QRICH1: variants seen among roughly 807,000 people sequenced by gnomAD.
QRICH1 encodes glutamine rich 1.
In QRICH1, 16 loss-of-function variants were observed where a neutral mutation model predicts 87.1. The ratio of observed to expected loss-of-function variants is 0.18; its 90% CI spans 0.12 to 0.28. QRICH1 has a LOEUF of 0.28. Ranked by LOEUF, QRICH1 falls within the 10% of genes least tolerant of loss-of-function variation. The pLI is 1.00. For synonymous variants in QRICH1, 367 were observed against 368.4 expected (o/e 1.00, Z 0.05); for missense variants, 647 against 951.7 (o/e 0.68, Z 4.21).
chr3:49,032,915 G>A (rs550387120), intron 7 of QRICH1, 142 bp from the exon 8 acceptor site: 6 of 1,098,460 alleles, frequency 5.5e-6, no homozygotes, highest in Non-Finnish European at 7.7e-6. Context: ...AGTGTCCAGT[G>A]CAGGAACCAC....
chr3:49,030,097 G>C lies in QRICH1; in HGVS notation c.*355C>G. Reference sequence around the variant, plus strand: ...AGTCGGCTGGGGAGATTCCCTCCAGGGTCCATCCATCATTAATTCCATCTC... The same window carrying C: ...AGTCGGCTGGGGAGATTCCCTCCAGCGTCCATCCATCATTAATTCCATCTC... On this transcript the variant is annotated 3_prime_UTR_variant, in exon 10 of 10. Coordinates refer to ENST00000395443, the MANE Select transcript of QRICH1 (RefSeq NM_198880.3). 2.7e-6 allele frequency: 1 copy of C among 363,660 alleles called. No homozygotes were observed. Among genetic ancestry groups the C allele is most frequent in the Non-Finnish European group, 4.9e-6 (1 of 203,304 alleles). 22.5% of individuals were successfully genotyped at this position (363,660 alleles called of 1,614,324 possible).
intron 3 of QRICH1, among the ~76,000 whole-genome samples, chr3:49,049,445 A>AAAAAAT (rs906467165): frequency 3.3e-5 from 5 of 152,018 alleles, no homozygotes; most frequent in African/African-American, 1.2e-4. Context: ...ATTCTGGCTC[A>AAAAAAT]AAAAATAAAA....
rs150728682 is a variant in QRICH1 at position 49,032,731 on chromosome 3, G to A, written c.1938C>T (p.Ala646=). ...TTGTCTGTCGCAAGACCTTGGAGAA[G>A]GCCAGCTTCATGTGCTGGTCCACTG... The part of the protein sequence containing the change: ...LKTVDQHMKL[A]FSKVLRQTKK... The change falls in exon 8 of 10, where the codon GCC becomes GCT. Residue 646 remains alanine (A), a synonymous_variant. Coordinates refer to ENST00000395443, the MANE Select transcript of QRICH1 (RefSeq NM_198880.3). The A allele has an allele frequency of 1.1e-5, 17 of 1,609,910 alleles. No homozygotes were observed. The African/African-American group carries it at 2.0e-4, about 19-fold the overall frequency.
At chr3:49,077,266 C>T (rs898659724) in intron 1 of QRICH1, among the ~76,000 whole-genome samples, 3 of 152,002 alleles carry the variant, frequency 2.0e-5, no homozygotes, top group African/African-American at 7.2e-5. Context: ...AAAAAACAAA[C>T]ACATGCTTCA....
Position 49,056,909 on chromosome 3 carries a change from T to C in QRICH1, c.1291A>G (p.Thr431Ala), listed in dbSNP as rs779853008. Residue 431 changes from threonine (T) to alanine (A), a missense_variant, in exon 3 of 10, where the codon ACA becomes GCA. Thr to Ala is a moderately conservative substitution (Grantham distance 58). Around this residue, in one of 7 missense-constraint regions of QRICH1, gnomAD observed 115 missense variants for 126.8 expected, o/e 0.91. Transcript: ENST00000395443. Reference sequence around the variant, plus strand: ...TGCTGCTGCTGCTGTGGTGGTGGTGTCTGTTCCTGGGGAGTTTGCTGCTGC... The same window carrying C: ...TGCTGCTGCTGCTGTGGTGGTGGTGCCTGTTCCTGGGGAGTTTGCTGCTGC... ...QPQQQTPQEQ[T>A]PPPQQQQQQL... 6.2e-7 allele frequency: 1 copy of C among 1,614,060 alleles called. No individual in the cohort carries two copies. The highest frequency in any genetic ancestry group is 8.5e-7 in the Non-Finnish European group (1 of 1,179,954).
intron 1 of QRICH1, among the ~76,000 whole-genome samples, chr3:49,087,641 C>T (rs932055598): frequency 1.3e-5 from 2 of 150,896 alleles, no homozygotes; most frequent in South Asian, 2.1e-4. Flanking sequence ...GCTGGAAGGC[C>T]GAGTCGGGCA....
chr3:49,074,288 C>A (rs1380624979), intron 2 of QRICH1, among the ~76,000 whole-genome samples: 2 of 152,092 alleles, frequency 1.3e-5, no homozygotes, highest in Non-Finnish European at 2.9e-5. Flanking sequence ...GAAAGGAAGC[C>A]TCAGATGGAC....
chr3:49,058,327 TTTGG>T (rs2093415218), intron 2 of QRICH1, among the ~76,000 whole-genome samples: 1 of 149,746 alleles, frequency 6.7e-6, no homozygotes, highest in Non-Finnish European at 1.5e-5. Context: ...ATATCAAAAC[TTTGG>T]TTCTTTTTTT....
At chr3:49,034,791 T>C (rs2093264701) in intron 6 of QRICH1, among the ~76,000 whole-genome samples, 2 of 152,196 alleles carry the variant, frequency 1.3e-5, no homozygotes, top group South Asian at 4.1e-4. Flanking sequence ...ACCAAGCCCC[T>C]TCATGTGCTG....
In QRICH1 at chr3:49,050,290, GCA is replaced by G. The variant is rs2093363067; in HGVS notation, c.1339-3046_1339-3045del. Among the ~76,000 whole-genome samples, 4 of 136,320 alleles carry G rather than the reference GCA, an allele frequency of 2.9e-5. No individual in the cohort carries two copies. In the South Asian group the frequency reaches 9.1e-4, roughly 31 times the overall value. 89.4% of individuals were successfully genotyped at this position (136,320 alleles called of 152,430 possible). ...AAAAAAAAATTAGCCGGGTGTGGTA[GCA>G]CACGCCTGTAATCCCAGCTACTTGG... On this transcript the variant is annotated intron_variant, in intron 3 of 9. Transcript: ENST00000395443.
At chr3:49,038,028 G>A (rs1326779516) in intron 6 of QRICH1, among the ~76,000 whole-genome samples, 7 of 151,374 alleles carry the variant, frequency 4.6e-5, no homozygotes, top group Non-Finnish European at 1.5e-5. Flanking sequence ...TCAAAATAAT[G>A]AAATTTATAA....
chr3:49,087,016 G>C (rs1233043857), intron 1 of QRICH1: 3 of 152,208 alleles, frequency 2.0e-5, no homozygotes, highest in African/African-American at 7.2e-5. Context: ...CAGCACTTTG[G>C]GAGGCTGAGG....
chr3:49,051,339 T>A (rs1021065156), intron 3 of QRICH1, among the ~76,000 whole-genome samples: 1 of 152,180 alleles, frequency 6.6e-6, no homozygotes, highest in African/African-American at 2.4e-5. Flanking sequence ...CTTTGCACTC[T>A]GCTCGGCTTC....
chr3:49,030,364 G>GA lies in QRICH1; in HGVS notation c.*87dup, dbSNP rs565387821. 42,405 of 1,001,726 alleles carry GA rather than the reference G, an allele frequency of 0.042. 19 individuals are homozygous for GA. The highest frequency in any genetic ancestry group is 0.049 in the South Asian group (2,634 of 53,494). 62.1% of individuals were successfully genotyped at this position (1,001,726 alleles called of 1,614,324 possible). Reference sequence around the variant, plus strand: ...TTCGTAACTACACCAATAAAAAAAAGAAAAAAAAAAATGGAGGCCTCTTCT... The same window carrying GA: ...TTCGTAACTACACCAATAAAAAAAAGAAAAAAAAAAAATGGAGGCCTCTTCT... On this transcript the variant is annotated 3_prime_UTR_variant, in exon 10 of 10. Transcript: ENST00000395443.
At chr3:49,052,705 A>G (rs1443105758) in intron 3 of QRICH1, among the ~76,000 whole-genome samples, 1 of 152,050 alleles carries the variant, frequency 6.6e-6, no homozygotes, top group African/African-American at 2.4e-5. Flanking sequence ...GGGTTTCACC[A>G]TCTTGGCCAG....
At chr3:49,032,465 G>A (rs1354734494) in intron 8 of QRICH1, 157 bp downstream of exon 8, 23 of 1,031,772 alleles carry the variant, frequency 2.2e-5, no homozygotes, top group South Asian at 1.6e-4. Context: ...CTGCTTCTAG[G>A]AGGAAAGTTT....
At chr3:49,047,479 G>GT (rs397724825) in intron 3 of QRICH1, among the ~76,000 whole-genome samples, 4,519 of 109,008 alleles carry the variant, frequency 0.041, 160 homozygotes, top group South Asian at 0.086. Flanking sequence ...ACTTTTAAAT[G>GT]TTTTTTTTTT....
rs554993057 is a variant in QRICH1 at position 49,063,787 on chromosome 3, C to G, written c.310-5897G>C. ...CCAGCTTGGACAACAAAGTGAAACT[C>G]TAACACCAAAAAACTTGAATTTGGC... is the stretch of plus-strand genomic sequence containing the variant. On this transcript the variant is annotated intron_variant, in intron 2 of 9. Coordinates refer to ENST00000395443, the MANE Select transcript of QRICH1 (RefSeq NM_198880.3). Among the ~76,000 whole-genome samples, 7 of 152,290 alleles carry G rather than the reference C, an allele frequency of 4.6e-5. No homozygotes were observed. The East Asian group carries it at 7.7e-4, about 17-fold the overall frequency.
At chr3:49,031,246 C>T (rs191790239) in intron 9 of QRICH1, among the ~76,000 whole-genome samples, 1 of 152,210 alleles carries the variant, frequency 6.6e-6, no homozygotes, top group Non-Finnish European at 1.5e-5. Flanking sequence ...CCTTGGCCTC[C>T]CAAAGTGCTT....
Sources: allele counts gnomAD v4.1 joint callset (sites outside exome capture counted in the v4.1 genomes callset), GRCh38; gene constraint gnomAD v4.1.1; regional missense constraint gnomAD v4.1.1; transcripts MANE v1.5; gene names NCBI Gene and HGNC (gene_info 2026-07-23, HGNC 2026-07-21).